The following TSHR variants were observed in gnomAD, a reference collection of about 807,000 sequenced individuals.
TSHR encodes the protein thyroid stimulating hormone receptor.
A neutral mutation model predicts 64.1 loss-of-function variants in TSHR; 51 were observed. That is an observed-to-expected ratio of 0.80 (90% CI 0.64 to 1.01). The LOEUF is 1.01. TSHR is among the 50% of genes least tolerant of loss of function. The pLI is 0.00. For missense variants in TSHR, 877 were observed against 942.8 expected, an observed-to-expected ratio of 0.93 and a Z score of 0.91; for synonymous variants, 361 against 361.9, an observed-to-expected ratio of 1.00 and a Z score of 0.03.
At position 81,143,646 on chromosome 14, in the gene TSHR, G is replaced by C; in HGVS notation, c.1588G>C (p.Asp530His). The part of the protein sequence containing the change: ...WYAITFAMRL[D>H]RKIRLRHACA... ...TGCCATCACCTTCGCCATGCGCCTG[G>C]ACCGGAAGATCCGCCTCAGGCACGC... Residue 530 changes from aspartate to histidine, a missense_variant, in exon 10 of 10, where the codon GAC becomes CAC. By Grantham distance (81) the Asp-to-His change is moderately conservative. Coordinates refer to ENST00000298171, the MANE Select transcript of TSHR (RefSeq NM_000369.5). 1 of 1,614,074 alleles carries C rather than the reference G, an allele frequency of 6.2e-7. No individual in the cohort carries two copies. The highest frequency in any genetic ancestry group is 8.5e-7 in the Non-Finnish European group (1 of 1,180,020).
chr14:81,054,200 T>A (rs1239280698), intron 1 of TSHR, among the ~76,000 whole-genome samples: 1 of 152,178 alleles, frequency 6.6e-6, no homozygotes, highest in Non-Finnish European at 1.5e-5. Flanking sequence ...AACAGGAGTT[T>A]CCCTTCACAA....
chr14:81,102,985 C>G, intron 7 of TSHR: 1 of 985,274 alleles, frequency 1.0e-6, no homozygotes, highest in Middle Eastern at 5.2e-4. Flanking sequence ...TAAAACAATG[C>G]TCCATCATTC....
chr14:81,055,259 C>T (rs1262943271), intron 1 of TSHR, among the ~76,000 whole-genome samples: 1 of 152,142 alleles, frequency 6.6e-6, no homozygotes, highest in Non-Finnish European at 1.5e-5. Flanking sequence ...TTGGGAACCT[C>T]CTCTTAGATT....
chr14:81,090,979 G>C (rs1595092170), intron 4 of TSHR, 90 bp from the exon 5 acceptor site: 2 of 1,126,834 alleles, frequency 1.8e-6, no homozygotes. Flanking sequence ...CAGAACCCAT[G>C]CTTTCAGCTA....
chr14:80,996,009 G>A (rs1021071139), intron 1 of TSHR, among the ~76,000 whole-genome samples: 9 of 152,030 alleles, frequency 5.9e-5, no homozygotes, highest in Non-Finnish European at 2.9e-5. Context: ...AACTGTATCT[G>A]TTTTTGTAAG....
chr14:81,001,685 A>G, intron 1 of TSHR: 1 of 504,418 alleles, frequency 2.0e-6, no homozygotes, highest in Non-Finnish European at 3.9e-6. Context: ...GTACAGGCAC[A>G]CCCTTGTTGG....
At chr14:81,018,050 C>A (rs886993664) in intron 1 of TSHR, among the ~76,000 whole-genome samples, 1 of 151,926 alleles carries the variant, frequency 6.6e-6, no homozygotes. Context: ...AGGCTGGTCT[C>A]GAACTCCTGA....
chr14:81,021,919 A>G (rs1243501186), intron 1 of TSHR, among the ~76,000 whole-genome samples: 1 of 152,144 alleles, frequency 6.6e-6, no homozygotes, highest in African/African-American at 2.4e-5. Flanking sequence ...ACATTACTCA[A>G]TAGTTGGCAC....
At chr14:81,062,325 C>A in intron 2 of TSHR, 106 bp downstream of exon 2, 1 of 781,498 alleles carries the variant, frequency 1.3e-6, no homozygotes, top group Non-Finnish European at 2.1e-6. Flanking sequence ...AAATCAATGG[C>A]AGTTATATTG....
chr14:81,062,160 G>C lies in TSHR; in HGVS notation c.183G>C (p.Glu61Asp). 6.2e-7 allele frequency: 1 copy of C among 1,611,514 alleles called. No individual in the cohort carries two copies. The highest frequency in any genetic ancestry group is 1.1e-5 in the South Asian group (1 of 90,778). ...GTTATTTTCACAGGAAGCTTATTGA[G>C]ACTCACCTGAGAACTATTCCAAGTC... Reference protein sequence around the residue: ...PPSTQTLKLIETHLRTIPSHA... With the variant: ...PPSTQTLKLIDTHLRTIPSHA... Residue 61 changes from glutamate to aspartate, a missense_variant, in exon 2 of 10, where the codon GAG (glutamate) becomes GAC (aspartate). Coordinates refer to ENST00000298171, the MANE Select transcript of TSHR (RefSeq NM_000369.5).
At chr14:81,037,215 G>A (rs1884671372) in intron 1 of TSHR, among the ~76,000 whole-genome samples, 1 of 151,336 alleles carries the variant, frequency 6.6e-6, no homozygotes, top group Non-Finnish European at 1.5e-5. Flanking sequence ...CTTGCATGTA[G>A]CCAAAGTTAA....
chr14:80,982,987 A>G (rs1216370061), intron 1 of TSHR: 11 of 536,920 alleles, frequency 2.0e-5, no homozygotes, highest in Non-Finnish European at 3.4e-5. Flanking sequence ...ACTTAAGTCA[A>G]CTACTGATCC....
intron 1 of TSHR, among the ~76,000 whole-genome samples, chr14:81,056,966 A>C (rs1202349192): frequency 6.6e-6 from 1 of 152,252 alleles, no homozygotes; most frequent in Non-Finnish European, 1.5e-5. Context: ...ATTTTAAAAA[A>C]TAGTCTATAT....
intron 1 of TSHR, chr14:80,983,167 C>T: frequency 1.0e-6 from 1 of 997,176 alleles, no homozygotes. Flanking sequence ...ACTCTGAATC[C>T]TCCTTCTGGG....
intron 1 of TSHR, among the ~76,000 whole-genome samples, chr14:81,037,934 C>CAAAA (rs561276007): frequency 2.0e-4 from 29 of 142,548 alleles, no homozygotes; most frequent in East Asian, 1.0e-3. Context: ...TGAAAATCAG[C>CAAAA]AAAAAAAAAA....
intron 1 of TSHR, among the ~76,000 whole-genome samples, chr14:81,039,023 G>A (rs61978742): frequency 0.24 from 37,085 of 151,474 alleles, 4,659 homozygotes; most frequent in South Asian, 0.33. Context: ...GAGGAGATAA[G>A]TTCATCTAAA....
At chr14:80,975,382 C>A (rs1887815941) in intron 1 of TSHR, among the ~76,000 whole-genome samples, 1 of 152,098 alleles carries the variant, frequency 6.6e-6, no homozygotes, top group African/African-American at 2.4e-5. Context: ...GTTTCCTCAC[C>A]CTATTTTGAC....
chr14:81,023,361 T>C (rs1183134968), intron 1 of TSHR, among the ~76,000 whole-genome samples: 2 of 151,998 alleles, frequency 1.3e-5, no homozygotes, highest in Admixed American at 6.6e-5. Context: ...CCACAGCACA[T>C]GGGAATTCAA....
intron 1 of TSHR, among the ~76,000 whole-genome samples, chr14:81,045,432 G>A (rs1392366054): frequency 2.6e-5 from 4 of 151,830 alleles, no homozygotes; most frequent in Admixed American, 6.6e-5. Flanking sequence ...CGTGTAGAAC[G>A]TGCAGGTTTG....
Sources: allele counts gnomAD v4.1 joint callset (sites outside exome capture counted in the v4.1 genomes callset), GRCh38; gene constraint gnomAD v4.1.1; transcripts MANE v1.5; gene names NCBI Gene and HGNC (gene_info 2026-07-23, HGNC 2026-07-21).